LRMDA: variants seen among roughly 807,000 people sequenced by gnomAD.
LRMDA encodes the protein leucine-rich melanocyte differentiation-associated protein.
A neutral mutation model predicts 29.8 loss-of-function variants in LRMDA; 18 were observed. That is an observed-to-expected ratio of 0.60 (90% CI 0.42 to 0.90). The LOEUF is 0.90. LRMDA is among the 40% of genes least tolerant of loss of function. The pLI is 0.00. For missense variants in LRMDA, 273 were observed against 273.9 expected (o/e 1.00, Z 0.02); for synonymous variants, 125 against 109.4 (o/e 1.14, Z -0.89).
At chr10:76,320,042 T>C (rs181479056) in intron 5 of LRMDA, among the ~76,000 whole-genome samples, 25 of 152,342 alleles carry the variant, frequency 1.6e-4, no homozygotes, top group African/African-American at 5.5e-4. Context: ...TAGTTTTTCA[T>C]TGAATGCACC....
At chr10:76,146,828 C>T (rs529140042) in intron 5 of LRMDA, among the ~76,000 whole-genome samples, 46 of 152,226 alleles carry the variant, frequency 3.0e-4, no homozygotes, top group African/African-American at 7.5e-4. Flanking sequence ...TGGTACCGGT[C>T]GTTCCTTTCC....
intron 2 of LRMDA, among the ~76,000 whole-genome samples, chr10:75,496,370 A>G (rs1784591237): frequency 1.3e-5 from 2 of 152,238 alleles, no homozygotes; most frequent in African/African-American, 4.8e-5. Context: ...ATGAAATTAA[A>G]TGAGAACACA....
intron 2 of LRMDA, among the ~76,000 whole-genome samples, chr10:75,694,186 A>C (rs1842204910): frequency 1.3e-5 from 2 of 152,214 alleles, no homozygotes; most frequent in Admixed American, 1.3e-4. Flanking sequence ...ATACACAGTT[A>C]AACAGTGAAC....
At chr10:75,652,832 A>G (rs1841616879) in intron 2 of LRMDA, among the ~76,000 whole-genome samples, 2 of 152,336 alleles carry the variant, frequency 1.3e-5, no homozygotes, top group South Asian at 4.1e-4. Context: ...TAGTTTAAAC[A>G]TAATTCATAT....
At chr10:76,224,960 G>A (rs1851924064) in intron 5 of LRMDA, among the ~76,000 whole-genome samples, 1 of 151,880 alleles carries the variant, frequency 6.6e-6, no homozygotes, top group South Asian at 2.1e-4. Flanking sequence ...ACCAGATATG[G>A]TATATCTGGT....
At chr10:76,212,794 A>G (rs1851659933) in intron 5 of LRMDA, among the ~76,000 whole-genome samples, 2 of 152,314 alleles carry the variant, frequency 1.3e-5, no homozygotes, top group African/African-American at 4.8e-5. Context: ...GCTCATAATC[A>G]TGGAAGAAGA....
intron 6 of LRMDA, among the ~76,000 whole-genome samples, chr10:76,544,276 C>T (rs112289515): frequency 0.017 from 2,638 of 152,232 alleles, 42 homozygotes; most frequent in Middle Eastern, 0.048. Flanking sequence ...GGCCCATGGG[C>T]AATTTTTTCC....
At chr10:75,876,322 A>G (rs979944127) in intron 2 of LRMDA, among the ~76,000 whole-genome samples, 1 of 152,154 alleles carries the variant, frequency 6.6e-6, no homozygotes, top group Non-Finnish European at 1.5e-5. Flanking sequence ...TAGAAATGTC[A>G]CTTGAGGGAG....
rs559753898 is a variant in LRMDA at position 76,006,395 on chromosome 10, G to C, written c.132-29613G>C. 1.7e-4 allele frequency among the ~76,000 whole-genome samples: 26 copies of C among 152,288 alleles called. No individual in the cohort carries two copies. The East Asian group carries it at 5.0e-3, about 29-fold the overall frequency. Reference sequence around the variant, plus strand: ...GAGAGAACCGTTTTGCCTCTGTCCGGCCATGTGAAGACCGGCTGGCTAGTG... The same window carrying C: ...GAGAGAACCGTTTTGCCTCTGTCCGCCCATGTGAAGACCGGCTGGCTAGTG... On this transcript the variant is annotated intron_variant, in intron 2 of 6. Transcript: ENST00000611255.
chr10:75,705,122 G>A (rs1390341219), intron 2 of LRMDA, among the ~76,000 whole-genome samples: 3 of 152,286 alleles, frequency 2.0e-5, no homozygotes, highest in African/African-American at 4.8e-5. Flanking sequence ...AGCATTTAGC[G>A]TGGAACGAGA....
intron 6 of LRMDA, among the ~76,000 whole-genome samples, chr10:76,531,091 C>G (rs906249599): frequency 6.6e-6 from 1 of 152,090 alleles, no homozygotes; most frequent in Non-Finnish European, 1.5e-5. Context: ...AAGAAAATCC[C>G]CACCCCTACC....
At chr10:76,324,613 G>C in intron 6 of LRMDA, 128 bp downstream of exon 6, 1 of 758,938 alleles carries the variant, frequency 1.3e-6, no homozygotes, top group Non-Finnish European at 2.2e-6. Context: ...TCCTTGATGA[G>C]AAAACCATAC....
intron 5 of LRMDA, among the ~76,000 whole-genome samples, chr10:76,124,363 C>G (rs1357254496): frequency 6.6e-6 from 1 of 152,220 alleles, no homozygotes; most frequent in Non-Finnish European, 1.5e-5. Flanking sequence ...CCAAGTGTAT[C>G]ATGGCTGAAA....
chr10:76,187,648 T>G (rs575588640), intron 5 of LRMDA, among the ~76,000 whole-genome samples: 1 of 152,166 alleles, frequency 6.6e-6, no homozygotes, highest in Admixed American at 6.5e-5. Flanking sequence ...TTGAACTCAA[T>G]GGATGTTATT....
chr10:75,551,819 G>A (rs1344757895), intron 2 of LRMDA, among the ~76,000 whole-genome samples: 3 of 152,030 alleles, frequency 2.0e-5, no homozygotes, highest in Admixed American at 6.6e-5. Flanking sequence ...TGAGAGGATC[G>A]CTTGAGGCCA....
At position 75,798,602 on chromosome 10, in the gene LRMDA, T is replaced by A. The variant is rs10437391; in HGVS notation, c.132-237406T>A. 2.1e-3 allele frequency among the ~76,000 whole-genome samples: 320 copies of A among 152,290 alleles called. 2 individuals carry two copies. The highest frequency in any genetic ancestry group is 0.01 in the Middle Eastern group (3 of 294). On this transcript the variant is annotated intron_variant, in intron 2 of 6. Transcript: ENST00000611255. ...GTTTTCTAATATAAGCATTTAAAGC[T>A]ATAATTTTTTCTCTTAACTATAATT...
chr10:75,750,583 C>T (rs1231194033), intron 2 of LRMDA, among the ~76,000 whole-genome samples: 3 of 149,334 alleles, frequency 2.0e-5, no homozygotes, highest in Admixed American at 1.3e-4. Context: ...CAGAGACACT[C>T]CTCACTTCCC....
chr10:75,855,260 C>T (rs1433936825), intron 2 of LRMDA, among the ~76,000 whole-genome samples: 4 of 152,004 alleles, frequency 2.6e-5, no homozygotes, highest in African/African-American at 4.8e-5. Context: ...GATCGACATT[C>T]GAACTGGTGT....
At chr10:76,488,339 C>G (rs1208361663) in intron 6 of LRMDA, among the ~76,000 whole-genome samples, 1 of 151,814 alleles carries the variant, frequency 6.6e-6, no homozygotes, top group Non-Finnish European at 1.5e-5. Context: ...CCTTCCCTGT[C>G]TGCCTCTGCC....
Sources: gnomAD v4.1 joint callset for allele counts (sites outside exome capture counted in the v4.1 genomes callset) on GRCh38, gnomAD v4.1.1 for gene constraint, MANE v1.5 for transcripts, NCBI Gene and HGNC (gene_info 2026-07-23, HGNC 2026-07-21) for gene names.